The following GDAP1 variants were observed in gnomAD, a reference collection of about 807,000 sequenced individuals.
GDAP1 encodes the protein ganglioside induced differentiation associated protein 1.
GDAP1 carries 34 observed loss-of-function variants against 40.1 expected under a neutral mutation model. That is an observed-to-expected ratio of 0.85 (90% confidence interval 0.64 to 1.13). GDAP1 has a LOEUF of 1.13. Among genes scored for constraint, GDAP1 ranks in the 50% most tolerant of loss-of-function variants. The pLI is 0.00. For synonymous variants in GDAP1, 170 were observed against 157.4 expected (o/e 1.08, Z -0.60); for missense variants, 374 against 433.7 (o/e 0.86, Z 1.22).
chr8:74,472,314 C>T (rs1022126927), intron 2 of GDAP1, among the ~76,000 whole-genome samples: 1 of 152,194 alleles, frequency 6.6e-6, no homozygotes, highest in Non-Finnish European at 1.5e-5. Context: ...ACATGTACCA[C>T]ATTTTCTTTA....
intron 2 of GDAP1, among the ~76,000 whole-genome samples, chr8:74,473,773 C>G (rs1806591147): frequency 6.6e-6 from 1 of 151,928 alleles, no homozygotes; most frequent in African/African-American, 2.4e-5. Context: ...TTTAGGATAG[C>G]CTTGGCTATT....
chr8:74,472,407 T>A (rs1806568999), intron 2 of GDAP1, among the ~76,000 whole-genome samples: 1 of 152,232 alleles, frequency 6.6e-6, no homozygotes, highest in South Asian at 2.1e-4. Context: ...TAGGGATGCA[T>A]GTGTCTTTAT....
chr8:74,447,511 C>T (rs1256622326), intron 2 of GDAP1, among the ~76,000 whole-genome samples: 1 of 152,118 alleles, frequency 6.6e-6, no homozygotes, highest in Non-Finnish European at 1.5e-5. Context: ...TCATACCTTA[C>T]CTCGTGATGG....
In GDAP1 at chr8:74,462,493, C is replaced by A. The variant is rs573130458; in HGVS notation, c.166-26185C>A. ...ATGTAGAGTTGAACAGGGTAAAAAT[C>A]GTTCATTCCAGCTGATGGTAAGTTA... On this transcript the variant is annotated intron_variant, in intron 2 of 2. Coordinates refer to the GDAP1 transcript ENST00000523640. Among the ~76,000 whole-genome samples the A allele has an allele frequency of 3.0e-4, 45 of 152,230 alleles. 2 individuals carry two copies. In the South Asian group the frequency reaches 8.9e-3, roughly 30 times the overall value.
At chr8:74,480,619 T>G (rs1207052880) in intron 2 of GDAP1, among the ~76,000 whole-genome samples, 1 of 152,218 alleles carries the variant, frequency 6.6e-6, no homozygotes, top group African/African-American at 2.4e-5. Context: ...TTACAGAAGC[T>G]CCTAGCTTCC....
intron 2 of GDAP1, among the ~76,000 whole-genome samples, chr8:74,398,303 G>A (rs1382265949): frequency 1.3e-5 from 2 of 152,026 alleles, no homozygotes; most frequent in Non-Finnish European, 1.5e-5. Context: ...CCTTTGTTTT[G>A]TTTTCGTTTG....
chr8:74,406,341 T>C (rs1020090653), intron 2 of GDAP1, among the ~76,000 whole-genome samples: 1 of 150,330 alleles, frequency 6.7e-6, no homozygotes, highest in Admixed American at 6.6e-5. Flanking sequence ...CAATGATAAA[T>C]AAACATTGAC....
downstream of GDAP1, chr8:74,366,990 T>A (rs1351914440): frequency 9.9e-6 from 3 of 303,560 alleles, no homozygotes; most frequent in Admixed American, 4.7e-5. Context: ...TTCAAGATAC[T>A]TAGCTATAGG....
At chr8:74,463,012 A>G (rs190885190) in intron 2 of GDAP1, among the ~76,000 whole-genome samples, 26 of 149,738 alleles carry the variant, frequency 1.7e-4, no homozygotes, top group African/African-American at 5.9e-4. Context: ...CAGACAGTAC[A>G]TGAAAGCTTA....
downstream of GDAP1, among the ~76,000 whole-genome samples, chr8:74,370,038 T>G (rs1809721091): frequency 6.6e-6 from 1 of 152,198 alleles, no homozygotes; most frequent in Non-Finnish European, 1.5e-5. Context: ...CCAAGAGAAG[T>G]TGGATCCAGC....
chr8:74,465,361 G>A (rs909311403), intron 2 of GDAP1, among the ~76,000 whole-genome samples: 1 of 152,060 alleles, frequency 6.6e-6, no homozygotes, highest in Non-Finnish European at 1.5e-5. Flanking sequence ...TGATACACCT[G>A]CTTCCCTTAC....
chr8:74,391,912 G>A (rs1033306993), intron 2 of GDAP1, among the ~76,000 whole-genome samples: 38 of 152,024 alleles, frequency 2.5e-4, no homozygotes, highest in South Asian at 8.3e-4. Flanking sequence ...TCTGCCTCCC[G>A]GGTTCAAGTG....
rs181485353 is a variant in GDAP1 at position 74,380,454 on chromosome 8, T to A, written c.165+29133T>A. ...GGCAAAATTTGCCTAGAATTATTTT[T>A]AAAAATTTATGCTTGCACATTTAAA... On this transcript the variant is annotated intron_variant, in intron 2 of 2. Coordinates refer to the GDAP1 transcript ENST00000523640. 5.1e-3 allele frequency among the ~76,000 whole-genome samples: 779 copies of A among 151,762 alleles called. 6 individuals are homozygous for A. Among genetic ancestry groups the A allele is most frequent in the African/African-American group, 0.018 (748 of 41,404 alleles).
chr8:74,484,901 A>T (rs1806757183), intron 2 of GDAP1, among the ~76,000 whole-genome samples: 1 of 152,132 alleles, frequency 6.6e-6, no homozygotes. Context: ...CCACCGGCCA[A>T]GTTCAAGCCC....
At chr8:74,471,475 CT>C (rs1240284893) in intron 2 of GDAP1, among the ~76,000 whole-genome samples, 2 of 148,742 alleles carry the variant, frequency 1.3e-5, no homozygotes, top group Admixed American at 6.7e-5. Context: ...TAATTCCTTC[CT>C]TTTGTTTTCT....
chr8:74,354,644 A>G (rs1809020227), intron 2 of GDAP1, among the ~76,000 whole-genome samples: 1 of 152,230 alleles, frequency 6.6e-6, no homozygotes, highest in Non-Finnish European at 1.5e-5. Flanking sequence ...TGCATTCCAA[A>G]AGAATGGGGA....
At chr8:74,473,596 C>G (rs1806588233) in intron 2 of GDAP1, among the ~76,000 whole-genome samples, 1 of 152,006 alleles carries the variant, frequency 6.6e-6, no homozygotes, top group African/African-American at 2.4e-5. Flanking sequence ...TGTTACAGAT[C>G]AGATGGTTAT....
At position 74,438,974 on chromosome 8, in the gene GDAP1, CAT is replaced by C. The variant is rs573166127; in HGVS notation, c.166-49703_166-49702del. ...CTGGATAGTATATACGTTCTTTAAA[CAT>C]GTGGCTTGTTTTTGCCTTTTGATTA... On this transcript the variant is annotated intron_variant, in intron 2 of 2. Coordinates refer to the GDAP1 transcript ENST00000523640. Among the ~76,000 whole-genome samples the C allele has an allele frequency of 1.1e-3, 172 of 152,034 alleles. 1 individual carries two copies. The highest frequency in any genetic ancestry group is 1.6e-3 in the Non-Finnish European group (110 of 68,004).
At chr8:74,425,347 G>A (rs1044703714) in intron 2 of GDAP1, among the ~76,000 whole-genome samples, 6 of 152,300 alleles carry the variant, frequency 3.9e-5, no homozygotes, top group African/African-American at 1.4e-4. Context: ...ATTGGAATAT[G>A]AAGACAAATG....
Sources: allele counts gnomAD v4.1 joint callset (sites outside exome capture counted in the v4.1 genomes callset), GRCh38; gene constraint gnomAD v4.1.1; transcripts MANE v1.5; gene names NCBI Gene and HGNC (gene_info 2026-07-23, HGNC 2026-07-21).